ZBTB7C: variants seen among roughly 807,000 people sequenced by gnomAD.
ZBTB7C encodes zinc finger and BTB domain-containing protein 7C.
A neutral mutation model predicts 25.7 loss-of-function variants in ZBTB7C; 8 were observed. The ratio of observed to expected loss-of-function variants is 0.31; its 90% CI spans 0.18 to 0.56. The LOEUF is 0.56. Among genes scored for constraint, ZBTB7C ranks in the 20% least tolerant of loss-of-function variants. The pLI is 0.91. For missense variants in ZBTB7C, 824 were observed against 855.2 expected, an observed-to-expected ratio of 0.96 and a Z score of 0.46; for synonymous variants, 394 against 369.0, an observed-to-expected ratio of 1.07 and a Z score of -0.78.
chr18:48,142,086 G>A (rs1399138830), intron 3 of ZBTB7C, among the ~76,000 whole-genome samples: 1 of 152,248 alleles, frequency 6.6e-6, no homozygotes, highest in Non-Finnish European at 1.5e-5. Flanking sequence ...TCTGTTAGTT[G>A]CCAAGGCTAC....
At chr18:48,052,911 T>TG (rs1390362046) in intron 3 of ZBTB7C, among the ~76,000 whole-genome samples, 5 of 152,168 alleles carry the variant, frequency 3.3e-5, no homozygotes, top group Admixed American at 6.5e-5. Flanking sequence ...TCAGATGTCT[T>TG]GGGGCTGCTG....
At chr18:48,034,713 G>T (rs894780206) in intron 4 of ZBTB7C, among the ~76,000 whole-genome samples, 1 of 152,176 alleles carries the variant, frequency 6.6e-6, no homozygotes, top group South Asian at 2.1e-4. Flanking sequence ...AATCCAACAT[G>T]CTCCCCTCTG....
chr18:48,305,379 T>C, intron 2 of ZBTB7C, among the ~76,000 whole-genome samples: 1 of 152,202 alleles, frequency 6.6e-6, no homozygotes, highest in East Asian at 1.9e-4. Context: ...AGGATGGTTC[T>C]GCTCAGGGAC....
chr18:48,358,815 G>A (rs1391801856), intron 1 of ZBTB7C, among the ~76,000 whole-genome samples: 2 of 152,298 alleles, frequency 1.3e-5, no homozygotes, highest in East Asian at 3.9e-4. Flanking sequence ...ACATTGCACT[G>A]TACACTTAGA....
intron 3 of ZBTB7C, among the ~76,000 whole-genome samples, chr18:48,167,597 T>TGCGC (rs1555705445): frequency 1.4e-5 from 2 of 148,044 alleles, no homozygotes; most frequent in African/African-American, 4.9e-5. Flanking sequence ...TGTGTGTGTG[T>TGCGC]GCGCGCGTGC....
chr18:48,372,616 C>T (rs985758248), intron 1 of ZBTB7C, among the ~76,000 whole-genome samples: 2 of 152,300 alleles, frequency 1.3e-5, no homozygotes, highest in Middle Eastern at 3.4e-3. Flanking sequence ...ACTAACAAAA[C>T]TTCAGAGTGG....
At chr18:48,284,154 C>A (rs117763142) in intron 2 of ZBTB7C, among the ~76,000 whole-genome samples, 7,740 of 151,958 alleles carry the variant, frequency 0.051, 249 homozygotes, top group Non-Finnish European at 0.072. Flanking sequence ...CTCAAAAAAA[C>A]AAAGGGAAGA....
At chr18:48,042,652 T>A (rs2036300305) in intron 3 of ZBTB7C, among the ~76,000 whole-genome samples, 2 of 152,170 alleles carry the variant, frequency 1.3e-5, no homozygotes, top group South Asian at 4.1e-4. Flanking sequence ...CACCTTCTCC[T>A]CCACCATGGG....
At chr18:48,276,287 T>C (rs181914849) in intron 2 of ZBTB7C, among the ~76,000 whole-genome samples, 6,597 of 150,284 alleles carry the variant, frequency 0.044, 204 homozygotes, top group South Asian at 0.082. Context: ...TTTTTTTTTT[T>C]CTAAGTCTTT....
At position 48,143,454 on chromosome 18, in the gene ZBTB7C, C is replaced by T. The variant is rs183379507; in HGVS notation, c.-17+42480G>A. ...CACCCTAGGACAAACAACTAATTCA[C>T]CTTATATTAAATTACCACTTACTGT... On this transcript the variant is annotated intron_variant, in intron 3 of 4. Transcript: ENST00000590800. Among the ~76,000 whole-genome samples, 72 of 152,318 alleles carry T rather than the reference C, an allele frequency of 4.7e-4. 1 individual carries two copies. In the East Asian group the frequency reaches 9.1e-3, roughly 19 times the overall value.
intron 2 of ZBTB7C, among the ~76,000 whole-genome samples, chr18:48,290,298 A>G (rs1416797535): frequency 1.3e-5 from 2 of 152,220 alleles, no homozygotes; most frequent in Non-Finnish European, 2.9e-5. Context: ...AAAGTGCCCC[A>G]GCCTCAGTCC....
At position 48,132,951 on chromosome 18, in the gene ZBTB7C, A is replaced by C. The variant is rs2040032678; in HGVS notation, c.-17+52983T>G. Among the ~76,000 whole-genome samples, 7 of 152,198 alleles carry C rather than the reference A, an allele frequency of 4.6e-5. No homozygotes were observed. In the South Asian group the frequency reaches 6.2e-4, roughly 14 times the overall value. On this transcript the variant is annotated intron_variant, in intron 3 of 4. Coordinates refer to ENST00000590800, the MANE Select transcript of ZBTB7C (RefSeq NM_001318841.2). ...TATCATTTGGGAGGGCCACATGTAC[A>C]TTTGCATCTGGTTTGCATCTAATTT...
chr18:48,152,761 T>A (rs981122180), intron 3 of ZBTB7C, among the ~76,000 whole-genome samples: 1 of 152,230 alleles, frequency 6.6e-6, no homozygotes, highest in South Asian at 2.1e-4. Context: ...GTCTCTTGCA[T>A]AAGATGGGAC....
intron 2 of ZBTB7C, among the ~76,000 whole-genome samples, chr18:48,240,017 A>G (rs1457015944): frequency 6.6e-6 from 1 of 152,160 alleles, no homozygotes; most frequent in African/African-American, 2.4e-5. Flanking sequence ...TAGCATAAAT[A>G]AAAACAATCA....
chr18:48,244,372 G>A (rs1416218457), intron 2 of ZBTB7C, among the ~76,000 whole-genome samples: 19 of 152,052 alleles, frequency 1.2e-4, no homozygotes, highest in Admixed American at 3.9e-4. Context: ...CAGAGATTGC[G>A]CCACTGCACT....
chr18:48,219,545 A>G (rs1005360820), intron 2 of ZBTB7C, among the ~76,000 whole-genome samples: 5 of 152,196 alleles, frequency 3.3e-5, no homozygotes, highest in African/African-American at 1.2e-4. Flanking sequence ...TAGCGGGGAA[A>G]GGATTCAGGC....
In ZBTB7C at chr18:48,282,156, C is replaced by T. The variant is rs1190670805; in HGVS notation, c.-79+56018G>A. ...ATAAAAAATGATGAGTTCATGTCCTCTGTAGGGACATGGATGAAATTGGAA... is the reference window on the plus strand; with the variant it reads ...ATAAAAAATGATGAGTTCATGTCCTTTGTAGGGACATGGATGAAATTGGAA... On this transcript the variant is annotated intron_variant, in intron 2 of 4. Coordinates refer to ENST00000590800, the MANE Select transcript of ZBTB7C (RefSeq NM_001318841.2). 9.0e-4 allele frequency among the ~76,000 whole-genome samples: 135 copies of T among 150,700 alleles called. No individual in the cohort carries two copies. In the East Asian group the frequency reaches 0.015, roughly 16 times the overall value.
At position 48,095,074 on chromosome 18, in the gene ZBTB7C, T is replaced by A. The variant is rs1449819361; in HGVS notation, c.-16-53951A>T. The stretch of plus-strand genomic sequence containing the variant: ...ATTTGCTGCAAAAATCTCCCCCAAT[T>A]CCCTCCTGGTAGTAACCAGGTGGGA... On this transcript the variant is annotated intron_variant, in intron 3 of 4. Coordinates refer to ENST00000590800, the MANE Select transcript of ZBTB7C (RefSeq NM_001318841.2). Among the ~76,000 whole-genome samples, 4 of 152,144 alleles carry A rather than the reference T, an allele frequency of 2.6e-5. No homozygotes were observed. The South Asian group carries it at 8.3e-4, about 32-fold the overall frequency.
chr18:48,301,339 T>A lies in ZBTB7C; in HGVS notation c.-79+36835A>T, dbSNP rs530018945. Reference sequence around the variant, plus strand: ...ACAAAAATACGAAAAATTAGCCGAGTGTGGTGGCACACGCCTATAATCCCA... The same window carrying A: ...ACAAAAATACGAAAAATTAGCCGAGAGTGGTGGCACACGCCTATAATCCCA... On this transcript the variant is annotated intron_variant, in intron 2 of 4. Coordinates refer to ENST00000590800, the MANE Select transcript of ZBTB7C (RefSeq NM_001318841.2). 4.6e-4 allele frequency among the ~76,000 whole-genome samples: 70 copies of A among 152,050 alleles called. 1 individual carries two copies. Among genetic ancestry groups the A allele is most frequent in the African/African-American group, 1.6e-3 (67 of 41,470 alleles).
Sources: gnomAD v4.1 joint callset for allele counts (sites outside exome capture counted in the v4.1 genomes callset) on GRCh38, gnomAD v4.1.1 for gene constraint, MANE v1.5 for transcripts, NCBI Gene and HGNC (gene_info 2026-07-23, HGNC 2026-07-21) for gene names.